Variants in NSD3 observed in about 807,000 individuals in gnomAD.
NSD3 encodes histone-lysine N-methyltransferase NSD3.
NSD3 carries 24 observed loss-of-function variants against 160.8 expected under a neutral mutation model. The observed-to-expected ratio is 0.15, with a 90% CI of 0.11 to 0.21. The LOEUF (loss-of-function observed/expected upper bound fraction) is 0.21, where lower values mean the gene tolerates loss of function less well. Ranked by LOEUF, NSD3 falls within the 10% of genes least tolerant of loss-of-function variation. NSD3 has a pLI of 1.00. For synonymous variants in NSD3, 520 were observed against 600.0 expected, an observed-to-expected ratio of 0.87 and a Z score of 1.95; for missense variants, 1,157 against 1,735.9, an observed-to-expected ratio of 0.67 and a Z score of 5.93.
chr8:38,314,849 A>G (rs1585879286), intron 11 of NSD3, 76 bp from the exon 12 acceptor site: 1 of 1,487,404 alleles, frequency 6.7e-7, no homozygotes, highest in East Asian at 2.4e-5. Context: ...GTTAAACACA[A>G]ATTACCGGGT....
rs919002623 is a variant in NSD3 at position 38,272,930 on chromosome 8, T to A, written c.*2711A>T. 1.3e-5 allele frequency: 2 copies of A among 152,228 alleles called. No individual in the cohort carries two copies. The highest frequency in any genetic ancestry group is 2.9e-5 in the Non-Finnish European group (2 of 68,042). 9.4% of individuals were successfully genotyped at this position (152,228 alleles called of 1,614,324 possible). ...AAAAATATATCAAATAGGTCAACAT[T>A]GACGCTATGGAGGTGTGAGGAGAAC... is the stretch of plus-strand genomic sequence containing the variant. On this transcript the variant is annotated 3_prime_UTR_variant, in exon 24 of 24. Transcript: ENST00000317025.
intron 1 of NSD3, among the ~76,000 whole-genome samples, chr8:38,348,521 ATCGTC>A (rs770771034): frequency 1.3e-5 from 2 of 152,206 alleles, no homozygotes; most frequent in Non-Finnish European, 2.9e-5. Flanking sequence ...CAAGTTAGAG[ATCGTC>A]TCAGGTTAAA....
At chr8:38,352,453 A>G (rs907381027) in intron 1 of NSD3, among the ~76,000 whole-genome samples, 4 of 152,222 alleles carry the variant, frequency 2.6e-5, no homozygotes, top group African/African-American at 9.6e-5. Flanking sequence ...AATAATCACA[A>G]CTCTGCAAGA....
intron 1 of NSD3, among the ~76,000 whole-genome samples, chr8:38,351,835 C>A (rs1810709758): frequency 1.3e-5 from 2 of 149,828 alleles, no homozygotes; most frequent in South Asian, 4.2e-4. Flanking sequence ...AACACATGGA[C>A]ACAGGAAGGG....
chr8:38,310,755 G>C (rs948459714), intron 12 of NSD3, among the ~76,000 whole-genome samples: 1 of 151,096 alleles, frequency 6.6e-6, no homozygotes, highest in African/African-American at 2.4e-5. Flanking sequence ...CAAGCAATCC[G>C]CTCGTCTTGG....
intron 1 of NSD3, among the ~76,000 whole-genome samples, chr8:38,374,936 G>A (rs914504750): frequency 2.0e-5 from 3 of 152,022 alleles, no homozygotes. Context: ...CACGGGAGGC[G>A]GAGCTTGCAG....
At position 38,288,789 on chromosome 8, in the gene NSD3, A is replaced by G. The variant is rs1430440417; in HGVS notation, c.3232-33T>C. 1 of 1,603,166 alleles carries G rather than the reference A, an allele frequency of 6.2e-7. No individual in the cohort carries two copies. The highest frequency in any genetic ancestry group is 2.2e-5 in the East Asian group (1 of 44,700). ...ACAAAATCGCAAGCGAGAGAGAGGC[A>G]GCAGGTAAGTCATCTGGCAATGTGA... On this transcript the variant is annotated intron_variant, in intron 18 of 23. Transcript: ENST00000317025. The surrounding 1 kb of genome is among the most constrained non-coding windows in gnomAD (Gnocchi z 4.5).
chr8:38,293,479 G>A (rs967321090), intron 16 of NSD3, among the ~76,000 whole-genome samples: 9 of 151,648 alleles, frequency 5.9e-5, no homozygotes, highest in Non-Finnish European at 8.8e-5. Flanking sequence ...GAATCCAGCA[G>A]GCAGAGGCTG....
At chr8:38,278,480 C>T in intron 21 of NSD3, 68 bp from the exon 22 acceptor site, 1 of 1,338,642 alleles carries the variant, frequency 7.5e-7, no homozygotes, top group South Asian at 1.3e-5. Context: ...CACAGGCACA[C>T]TCCCCTAATG....
At chr8:38,358,765 A>G (rs1810885276) in intron 1 of NSD3, among the ~76,000 whole-genome samples, 1 of 152,138 alleles carries the variant, frequency 6.6e-6, no homozygotes, top group Non-Finnish European at 1.5e-5. Flanking sequence ...TAATATGTAC[A>G]TACACGCAAA....
At chr8:38,305,701 C>A (rs891845994) in intron 12 of NSD3, among the ~76,000 whole-genome samples, 1 of 151,952 alleles carries the variant, frequency 6.6e-6, no homozygotes, top group African/African-American at 2.4e-5. Flanking sequence ...ATAGAAAAGC[C>A]AGAACAGAAT....
chr8:38,289,815 A>G (rs1164422832), intron 17 of NSD3, among the ~76,000 whole-genome samples: 1 of 152,166 alleles, frequency 6.6e-6, no homozygotes, highest in Non-Finnish European at 1.5e-5. Flanking sequence ...TTTTACCCTT[A>G]CCAGAAAGCC....
chr8:38,371,677 T>A (rs1811245951), intron 1 of NSD3, among the ~76,000 whole-genome samples: 1 of 152,158 alleles, frequency 6.6e-6, no homozygotes, highest in South Asian at 2.1e-4. Context: ...TAATATGAAA[T>A]ACTATATTCT....
intron 22 of NSD3, among the ~76,000 whole-genome samples, chr8:38,278,084 AC>A (rs1488037554): frequency 6.6e-6 from 1 of 151,990 alleles, no homozygotes; most frequent in Non-Finnish European, 1.5e-5. Context: ...GACTACAGGC[AC>A]CCATCACCAT....
Position 38,271,762 on chromosome 8 carries a change from T to G in NSD3, c.*3879A>C, listed in dbSNP as rs1808490149. The G allele has an allele frequency of 1.3e-5, 2 of 152,206 alleles. No homozygotes were observed. The highest frequency in any genetic ancestry group is 1.3e-4 in the Admixed American group (2 of 15,280). The allele number at this position is 152,206 out of a possible 1,614,324, so 9.4% of individuals were successfully genotyped here. ...AAATAAAGCAACTTTCCAATGTCCT[T>G]TTTCTCATATGGAAGTATAGAATGT... On this transcript the variant is annotated 3_prime_UTR_variant, in exon 24 of 24. Coordinates refer to ENST00000317025, the MANE Select transcript of NSD3 (RefSeq NM_023034.2).
intron 19 of NSD3, 71 bp from the exon 20 acceptor site, chr8:38,281,654 A>G: frequency 1.2e-6 from 1 of 845,434 alleles, no homozygotes; most frequent in South Asian, 2.5e-5. Flanking sequence ...TGACACATGT[A>G]TAACCCAAAA....
chr8:38,327,659 T>C (rs1203578267), intron 6 of NSD3, among the ~76,000 whole-genome samples: 2 of 152,328 alleles, frequency 1.3e-5, no homozygotes, highest in South Asian at 4.1e-4. Context: ...CTGGTCTTTA[T>C]ACATATCACA....
chr8:38,341,106 G>T (rs763410391), intron 2 of NSD3, among the ~76,000 whole-genome samples: 1 of 152,150 alleles, frequency 6.6e-6, no homozygotes, highest in Non-Finnish European at 1.5e-5. Flanking sequence ...ACTCCAGCCT[G>T]GGTGATGGAG....
rs1028698475 is a variant in NSD3 at position 38,316,297 on chromosome 8, G to A, written c.1856-255C>T. 2 of 973,060 alleles carry A rather than the reference G, an allele frequency of 2.1e-6. No individual in the cohort carries two copies. The highest frequency in any genetic ancestry group is 3.4e-5 in the African/African-American group (2 of 59,620). 60.3% of individuals were successfully genotyped at this position (973,060 alleles called of 1,614,324 possible). A position where few individuals can be genotyped will look rare whatever the true frequency, so the allele number is the denominator to read the frequency against. ...TCTCTAAAGCTATTTTCAGTCAACA[G>A]AGCCCACGTTCCAACCTAAAAATCA... is the stretch of plus-strand genomic sequence containing the variant. On this transcript the variant is annotated intron_variant, in intron 9 of 23. Transcript: ENST00000317025. This position sits in a 1 kb window ranked among gnomAD's most constrained non-coding sequence, Gnocchi z 4.5.
Sources: allele counts gnomAD v4.1 joint callset (sites outside exome capture counted in the v4.1 genomes callset), GRCh38; gene constraint gnomAD v4.1.1; non-coding constraint Gnocchi (gnomAD v3.1); transcripts MANE v1.5; gene names NCBI Gene and HGNC (gene_info 2026-07-23, HGNC 2026-07-21).